The following TXK variants were observed in gnomAD, a reference collection of about 807,000 sequenced individuals.
The protein encoded by TXK is TXK tyrosine kinase, also known as tyrosine-protein kinase TXK.
A neutral mutation model predicts 81.0 loss-of-function variants in TXK; 60 were observed. The observed-to-expected ratio is 0.74, with a 90% CI of 0.60 to 0.92. The LOEUF (loss-of-function observed/expected upper bound fraction) is 0.92. Ranked by LOEUF, TXK falls within the 40% of genes least tolerant of loss-of-function variation. TXK has a pLI of 0.00. For missense variants in TXK, 581 were observed against 638.3 expected (o/e 0.91, Z 0.97); for synonymous variants, 203 against 210.7 (o/e 0.96, Z 0.32).
intron 4 of TXK, among the ~76,000 whole-genome samples, chr4:48,110,948 T>A (rs1174853664): frequency 6.6e-6 from 1 of 152,236 alleles, no homozygotes; most frequent in Non-Finnish European, 1.5e-5. Flanking sequence ...TCTTTTCAAT[T>A]GCTGAGGAGT....
chr4:48,079,278 CA>C (rs1717198783), intron 11 of TXK, among the ~76,000 whole-genome samples: 1 of 152,188 alleles, frequency 6.6e-6, no homozygotes, highest in Non-Finnish European at 1.5e-5. Flanking sequence ...AAATTAGCCA[CA>C]AGATTAGAAA....
intron 4 of TXK, 57 bp from the exon 5 acceptor site, chr4:48,110,660 T>C: frequency 7.6e-7 from 1 of 1,317,324 alleles, no homozygotes; most frequent in East Asian, 2.3e-5. Flanking sequence ...GGCATTATCA[T>C]GGCAACAATC....
At position 48,066,608 on chromosome 4, in the gene TXK, T is replaced by C. The variant is rs1567216; in HGVS notation, c.*1029A>G. The C allele has an allele frequency of 0.96, 146,677 of 152,182 alleles. 70,935 individuals are homozygous for C. Among genetic ancestry groups the C allele is most frequent in the Middle Eastern group, 1 (294 of 294 alleles). 9.4% of individuals were successfully genotyped at this position (152,182 alleles called of 1,614,324 possible). A position where few individuals can be genotyped will look rare whatever the true frequency, so the allele number is the denominator to read the frequency against. On this transcript the variant is annotated 3_prime_UTR_variant, in exon 15 of 15. Transcript: ENST00000264316. ...GTTGTCAGACTTCATGGTGATTACA[T>C]TAGTGCTTTCTCCAGTATCTTTCTT...
chr4:48,112,695 C>A (rs1718674878), intron 3 of TXK, among the ~76,000 whole-genome samples, 183 bp from the exon 4 acceptor site: 1 of 152,156 alleles, frequency 6.6e-6, no homozygotes, highest in Non-Finnish European at 1.5e-5. Flanking sequence ...TCCAGCAATA[C>A]ACTCATCATT....
At chr4:48,083,797 A>T (rs1717402662) in intron 10 of TXK, among the ~76,000 whole-genome samples, 1 of 152,216 alleles carries the variant, frequency 6.6e-6, no homozygotes. Context: ...GAGAGAAATA[A>T]AACAACTACA....
intron 5 of TXK, among the ~76,000 whole-genome samples, chr4:48,105,756 C>T (rs1718435479): frequency 6.6e-6 from 1 of 152,138 alleles, no homozygotes; most frequent in Non-Finnish European, 1.5e-5. Flanking sequence ...AACACCCTCT[C>T]CCGCCTCATC....
At chr4:48,130,581 A>G (rs1328615610) in intron 1 of TXK, among the ~76,000 whole-genome samples, 1 of 152,116 alleles carries the variant, frequency 6.6e-6, no homozygotes, top group Non-Finnish European at 1.5e-5. Context: ...CACTTTTACC[A>G]TATTCTAATC....
At chr4:48,088,536 T>C (rs1717627077) in intron 9 of TXK, among the ~76,000 whole-genome samples, 3 of 152,120 alleles carry the variant, frequency 2.0e-5, no homozygotes. Flanking sequence ...AACTCACAGA[T>C]GTAATGAGGT....
intron 14 of TXK, among the ~76,000 whole-genome samples, chr4:48,069,959 C>G (rs1950004519): frequency 6.6e-6 from 1 of 152,124 alleles, no homozygotes; most frequent in Non-Finnish European, 1.5e-5. Context: ...GAGCATTTTT[C>G]TATGTCTTTC....
chr4:48,101,815 A>T (rs73151623), intron 6 of TXK, among the ~76,000 whole-genome samples: 5,385 of 151,650 alleles, frequency 0.036, 327 homozygotes, highest in African/African-American at 0.12. Flanking sequence ...AAAAGCACAG[A>T]TAATAAAGGA....
intron 10 of TXK, among the ~76,000 whole-genome samples, chr4:48,084,869 T>C (rs957251576): frequency 1.3e-5 from 2 of 152,172 alleles, no homozygotes; most frequent in African/African-American, 4.8e-5. Context: ...TAATCGAGAA[T>C]GGGTCCAGTT....
At chr4:48,101,069 T>C (rs1718173545) in intron 6 of TXK, among the ~76,000 whole-genome samples, 1 of 152,024 alleles carries the variant, frequency 6.6e-6, no homozygotes, top group African/African-American at 2.4e-5. Context: ...GTAGGGAAAT[T>C]GGTGGCTTGC....
chr4:48,073,945 G>A lies in TXK; in HGVS notation c.1347C>T (p.Val449=). The change falls in exon 13 of 15, where the codon GTC becomes GTT. Residue 449 remains valine (V), a synonymous_variant. Coordinates refer to ENST00000264316, the MANE Select transcript of TXK (RefSeq NM_003328.3). Reference sequence around the variant, plus strand: ...ATCAGATGCACTCACCAAATGACCAGACATCAGATTTACTGCTGTACTTAT... The same window carrying A: ...ATCAGATGCACTCACCAAATGACCAAACATCAGATTTACTGCTGTACTTAT... ...LFNKYSSKSD[V]WSFGVLMWEV... is the part of the protein sequence containing the mutation. 1 of 1,599,072 alleles carries A rather than the reference G, an allele frequency of 6.3e-7. No homozygotes were observed. Among genetic ancestry groups the A allele is most frequent in the Non-Finnish European group, 8.6e-7 (1 of 1,167,786 alleles).
intron 1 of TXK, among the ~76,000 whole-genome samples, chr4:48,124,966 G>A (rs965740682): frequency 6.6e-6 from 1 of 152,122 alleles, no homozygotes; most frequent in Non-Finnish European, 1.5e-5. Flanking sequence ...TCTAGAAAAC[G>A]TAGGTAATAA....
chr4:48,130,158 G>C (rs771191307), intron 1 of TXK, among the ~76,000 whole-genome samples: 1 of 152,206 alleles, frequency 6.6e-6, no homozygotes, highest in Non-Finnish European at 1.5e-5. Flanking sequence ...CCAGCCCCAG[G>C]CAGAAGGGTG....
intron 8 of TXK, among the ~76,000 whole-genome samples, chr4:48,092,796 TGA>T (rs1222883440): frequency 6.6e-6 from 1 of 152,122 alleles, no homozygotes; most frequent in East Asian, 1.9e-4. Context: ...GGAATGAGGA[TGA>T]GAGGGCATGG....
At chr4:48,117,509 C>T (rs1718844673) in intron 1 of TXK, among the ~76,000 whole-genome samples, 2 of 152,184 alleles carry the variant, frequency 1.3e-5, no homozygotes, top group African/African-American at 4.8e-5. Context: ...CCTATAAATT[C>T]AGTAGTACAA....
chr4:48,118,478 T>C (rs773589272), intron 1 of TXK, among the ~76,000 whole-genome samples: 3 of 152,210 alleles, frequency 2.0e-5, no homozygotes, highest in Non-Finnish European at 2.9e-5. Context: ...ACTTCTGTAT[T>C]AGGATAGAAA....
intron 5 of TXK, among the ~76,000 whole-genome samples, chr4:48,106,793 G>A (rs1718473663): frequency 6.6e-6 from 1 of 151,922 alleles, no homozygotes; most frequent in South Asian, 2.1e-4. Flanking sequence ...CAATATGTTT[G>A]GTATTTAAAA....
Sources: gnomAD v4.1 joint callset for allele counts (sites outside exome capture counted in the v4.1 genomes callset) on GRCh38, gnomAD v4.1.1 for gene constraint, MANE v1.5 for transcripts, NCBI Gene and HGNC (gene_info 2026-07-23, HGNC 2026-07-21) for gene names.